The following MXI1 variants were observed in gnomAD, a reference collection of about 807,000 sequenced individuals.
The protein encoded by MXI1 is max-interacting protein 1.
In MXI1, 18 loss-of-function variants were observed where a neutral mutation model predicts 36.9. The ratio of observed to expected loss-of-function variants is 0.49; its 90% CI spans 0.34 to 0.72. The LOEUF (loss-of-function observed/expected upper bound fraction) is 0.72, where lower values mean the gene tolerates loss of function less well. Among genes scored for constraint, MXI1 ranks in the 30% least tolerant of loss-of-function variants. The pLI is 0.01. For missense variants in MXI1, 304 were observed against 379.1 expected, an observed-to-expected ratio of 0.80 and a Z score of 1.64; for synonymous variants, 160 against 146.7, an observed-to-expected ratio of 1.09 and a Z score of -0.65.
intron 2 of MXI1, among the ~76,000 whole-genome samples, chr10:110,232,531 T>A (rs750126937): frequency 3.3e-5 from 5 of 152,232 alleles, no homozygotes; most frequent in Non-Finnish European, 7.3e-5. Context: ...AATACAGTTA[T>A]CCAGTTGTTT....
rs756309792 is a variant in MXI1, at chr10:110,228,225, TGCCGAGCCCCCGACTGCAGCATTCAAA to T, written c.315_341del (p.Ser106_Pro114del). 15 of 1,614,032 alleles carry T rather than the reference TGCCGAGCCCCCGACTGCAGCATTCAAA, an allele frequency of 9.3e-6. No individual in the cohort carries two copies. The highest frequency in any genetic ancestry group is 1.3e-5 in the African/African-American group (1 of 74,910). ...GGCTACGCCTCTTCATTCCCGTCCA[TGCCGAGCCCCCGACTGCAGCATTCAAA>T]GCCCCCACGGAGGTTGAGCCGGGCA... On this transcript the variant is annotated inframe_deletion, in exon 2 of 6. Transcript: ENST00000332674.
chr10:110,265,117 A>G (rs1316324290), intron 3 of MXI1, among the ~76,000 whole-genome samples: 1 of 152,190 alleles, frequency 6.6e-6, no homozygotes, highest in Non-Finnish European at 1.5e-5. Flanking sequence ...TGACAGGTGA[A>G]GGTTTTGATA....
At chr10:110,276,012 C>G (rs1477676676) in intron 3 of MXI1, among the ~76,000 whole-genome samples, 3 of 152,176 alleles carry the variant, frequency 2.0e-5, no homozygotes, top group Admixed American at 2.0e-4. Context: ...TTCATTTAGG[C>G]ATTTTTCAAA....
intron 3 of MXI1, among the ~76,000 whole-genome samples, chr10:110,250,490 G>C (rs1856039508): frequency 6.6e-6 from 1 of 152,082 alleles, no homozygotes; most frequent in Middle Eastern, 3.2e-3. Flanking sequence ...TTGCCTCATT[G>C]TTTTTTCATT....
At chr10:110,280,143 G>A in intron 5 of MXI1, 58 bp downstream of exon 5, 2 of 1,451,714 alleles carry the variant, frequency 1.4e-6, no homozygotes, top group Non-Finnish European at 1.8e-6. Context: ...CTGGATTTAG[G>A]GAAGGTATGT....
In MXI1 at chr10:110,279,267, G is replaced by A. The variant is rs1590409345; in HGVS notation, c.525G>A (p.Leu175=). Residue 175 remains leucine, a synonymous_variant, in exon 4 of 6, where the codon TTG becomes TTA. Transcript: ENST00000332674. ...GCACCCGGCACACAACACTTGGTTT[G>A]CTCAACAAAGCCAAAGCACACATCA... ...PDCTRHTTLG[L]LNKAKAHIKK... 6.2e-7 allele frequency: 1 copy of A among 1,613,974 alleles called. No homozygotes were observed. Among genetic ancestry groups the A allele is most frequent in the African/African-American group, 1.3e-5 (1 of 74,904 alleles).
At chr10:110,223,107 G>A (rs542378503) in intron 1 of MXI1, among the ~76,000 whole-genome samples, 7 of 152,274 alleles carry the variant, frequency 4.6e-5, no homozygotes, top group African/African-American at 1.7e-4. Flanking sequence ...TCTAGAAGAA[G>A]GGCTCTAGGT....
intron 1 of MXI1, among the ~76,000 whole-genome samples, chr10:110,212,741 A>C (rs748355929): frequency 6.6e-6 from 1 of 152,182 alleles, no homozygotes; most frequent in Non-Finnish European, 1.5e-5. Context: ...ATCATTGTCA[A>C]ACAACTCAAT....
At chr10:110,267,918 T>C (rs1856730975) in intron 3 of MXI1, among the ~76,000 whole-genome samples, 1 of 152,228 alleles carries the variant, frequency 6.6e-6, no homozygotes, top group African/African-American at 2.4e-5. Flanking sequence ...GTGTCCTTCA[T>C]ATGCCTTTTG....
intron 2 of MXI1, among the ~76,000 whole-genome samples, chr10:110,233,487 TTTTA>T (rs1194115820): frequency 2.6e-5 from 4 of 152,088 alleles, no homozygotes; most frequent in Non-Finnish European, 5.9e-5. Context: ...GAAGCCTTAT[TTTTA>T]TTTTTGTGTA....
At chr10:110,270,007 T>C (rs1317304143) in intron 3 of MXI1, among the ~76,000 whole-genome samples, 1 of 152,176 alleles carries the variant, frequency 6.6e-6, no homozygotes, top group Non-Finnish European at 1.5e-5. Flanking sequence ...TGAAAGATAA[T>C]TAAAAAATAT....
At chr10:110,244,991 T>C (rs899346395) in intron 3 of MXI1, 134 bp downstream of exon 3, 32 of 784,532 alleles carry the variant, frequency 4.1e-5, no homozygotes, top group Non-Finnish European at 6.1e-5. Context: ...GTGAATCTGA[T>C]ATATATGTAT....
At position 110,286,818 on chromosome 10, in the gene MXI1, T is replaced by C. The variant is rs1345957539; in HGVS notation, c.*1831T>C. On this transcript the variant is annotated 3_prime_UTR_variant, in exon 6 of 6. Coordinates refer to ENST00000332674, the MANE Select transcript of MXI1 (RefSeq NM_130439.3). ...GCTATGTTTCAGTGGAAGAAATTCT[T>C]TGAAGTAGATGTGAGTGAAAAACTG... is the stretch of plus-strand genomic sequence containing the variant. The C allele has an allele frequency of 1.3e-5, 2 of 152,228 alleles. No individual in the cohort carries two copies. Among genetic ancestry groups the C allele is most frequent in the Non-Finnish European group, 2.9e-5 (2 of 68,036 alleles). 9.4% of individuals were successfully genotyped at this position (152,228 alleles called of 1,614,324 possible).
intron 3 of MXI1, among the ~76,000 whole-genome samples, chr10:110,251,618 G>T (rs923777421): frequency 2.6e-5 from 4 of 152,144 alleles, no homozygotes; most frequent in South Asian, 2.1e-4. Flanking sequence ...GAAGTAAAGT[G>T]AAATATGGAA....
chr10:110,216,587 T>C (rs925812126), intron 1 of MXI1, among the ~76,000 whole-genome samples: 1 of 151,910 alleles, frequency 6.6e-6, no homozygotes, highest in Non-Finnish European at 1.5e-5. Context: ...GCTATCATTA[T>C]AGACAGAATA....
At chr10:110,251,697 G>A (rs931671071) in intron 3 of MXI1, among the ~76,000 whole-genome samples, 12 of 152,088 alleles carry the variant, frequency 7.9e-5, no homozygotes, top group Non-Finnish European at 1.0e-4. Context: ...CTACTACTCT[G>A]GGTAGTTAAG....
At chr10:110,216,119 C>T (rs1590325848) in intron 1 of MXI1, among the ~76,000 whole-genome samples, 2 of 152,358 alleles carry the variant, frequency 1.3e-5, no homozygotes, top group East Asian at 3.9e-4. Flanking sequence ...GCTTCCTCAT[C>T]TTGGCAGAAG....
At chr10:110,265,577 C>T (rs1564722165) in intron 3 of MXI1, among the ~76,000 whole-genome samples, 1 of 152,176 alleles carries the variant, frequency 6.6e-6, no homozygotes, top group East Asian at 1.9e-4. Context: ...AATCAACTGA[C>T]AAGCACTTAT....
intron 3 of MXI1, among the ~76,000 whole-genome samples, chr10:110,277,945 G>A (rs974358532): frequency 3.3e-5 from 5 of 152,186 alleles, no homozygotes; most frequent in African/African-American, 4.8e-5. Context: ...CAGAGAAAGC[G>A]CATAGTTTGG....
Sources: allele counts gnomAD v4.1 joint callset (sites outside exome capture counted in the v4.1 genomes callset), GRCh38; gene constraint gnomAD v4.1.1; transcripts MANE v1.5; gene names NCBI Gene and HGNC (gene_info 2026-07-23, HGNC 2026-07-21).